Variants in TTN observed in about 807,000 individuals in gnomAD.
TTN encodes connectin.
Under a neutral mutation model 3,223.0 loss-of-function variants are expected in TTN, and 1,525 were observed. The ratio of observed to expected loss-of-function variants is 0.47; its 90% CI spans 0.45 to 0.49. TTN has a LOEUF of 0.49. TTN is among the 20% of genes least tolerant of loss of function. The pLI, the probability that TTN is intolerant of heterozygous loss-of-function variation, is 0.00. For synonymous variants in TTN, 14,094 were observed against 15,161.0 expected (o/e 0.93, Z 5.17); for missense variants, 40,786 against 43,424.0 (o/e 0.94, Z 5.40).
In TTN at chr2:178,594,402, A is replaced by C. The variant is rs182489815; in HGVS notation, c.58092T>G (p.Ile19364Met). 2 of 1,606,750 alleles carry C rather than the reference A, an allele frequency of 1.2e-6. No homozygotes were observed. Among genetic ancestry groups the C allele is most frequent in the African/African-American group, 2.7e-5 (2 of 74,738 alleles). The change falls in exon 296 of 363, where the codon ATT becomes ATG. Residue 19364 changes from isoleucine (I) to methionine (M), a missense_variant. Ile to Met is a conservative substitution (Grantham distance 10, BLOSUM62 1). Transcript: ENST00000589042. ...TYEYRVSAVNIVGQGKPSFCT... is the reference protein window; with the variant it reads ...TYEYRVSAVNMVGQGKPSFCT... ...AAAATGATGGTTTGCCTTGTCCAAC[A>C]ATGTTGACAGCACTGACACGGTACT...
chr2:178,674,934 T>C (rs1001106652), intron 150 of TTN, 105 bp downstream of exon 150: 15 of 570,734 alleles, frequency 2.6e-5, no homozygotes, highest in Non-Finnish European at 4.3e-5. Context: ...AGAATCTGAA[T>C]ATGTTGATTT....
chr2:178,684,666 C>T lies in TTN; in HGVS notation c.32638G>A (p.Val10880Met). 1.2e-6 allele frequency: 2 copies of T among 1,604,468 alleles called. No homozygotes were observed. Among genetic ancestry groups the T allele is most frequent in the Non-Finnish European group, 1.7e-6 (2 of 1,177,356 alleles). The change falls in exon 131 of 363, where the codon GTG (valine) becomes ATG (methionine). Residue 10880 changes from valine to methionine, a missense_variant and splice_region_variant. By Grantham distance (21) the Val-to-Met change is conservative. Coordinates refer to ENST00000589042, the MANE Select transcript of TTN (RefSeq NM_001267550.2). ...IKMEEPLPAK[V>M]TERHMQITQE... ...TTTTCTGCTGGGGAGGTTTGTTTAC[C>T]TTTGGCTGGGAGAGGTTCTTCCATC...
chr2:178,675,853 G>T, intron 148 of TTN, 68 bp downstream of exon 148: 1 of 1,549,438 alleles, frequency 6.5e-7, no homozygotes, highest in East Asian at 2.4e-5. Context: ...TACGGAAACA[G>T]GACATTTTGA....
rs371882734 is a variant in TTN, at chr2:178,689,115, G to A, written c.32033C>T (p.Pro10678Leu). ...PPKVPALPKK[P>L]VPEEKVAVPV... is the part of the protein sequence containing the mutation. ...CACTGCAACTTTCTCCTCTGGGACGGGTTTCTTAGGCAGAGCTGGCACTTT... is the reference window on the plus strand; with the variant it reads ...CACTGCAACTTTCTCCTCTGGGACGAGTTTCTTAGGCAGAGCTGGCACTTT... Residue 10678 changes from proline to leucine, a missense_variant, in exon 125 of 363, where the codon CCC (proline) becomes CTC (leucine). Transcript: ENST00000589042. 7.5e-6 allele frequency: 12 copies of A among 1,608,966 alleles called. No individual in the cohort carries two copies. Among genetic ancestry groups the A allele is most frequent in the African/African-American group, 2.7e-5 (2 of 74,266 alleles).
At position 178,568,436 on chromosome 2, in the gene TTN, T is replaced by A. The variant is rs750227997; in HGVS notation, c.77696A>T (p.Lys25899Ile). 2 of 1,613,284 alleles carry A rather than the reference T, an allele frequency of 1.2e-6. No homozygotes were observed. Among genetic ancestry groups the A allele is most frequent in the Non-Finnish European group, 1.7e-6 (2 of 1,179,562 alleles). ...DKPDPPKGPV[K>I]FDDVSAESIT... ...ACTTTCAGCACTGACGTCATCAAAT[T>A]TAACAGGTCCTTTTGGAGGATCAGG... Residue 25899 changes from lysine to isoleucine, a missense_variant, in exon 326 of 363, where the codon AAA (lysine) becomes ATA (isoleucine). By Grantham distance (102) the Lys-to-Ile change is moderately radical. Transcript: ENST00000589042.
In TTN at chr2:178,574,611, C is replaced by A; in HGVS notation, c.71521G>T (p.Asp23841Tyr). The A allele has an allele frequency of 2.5e-6, 4 of 1,613,240 alleles. No individual in the cohort carries two copies. The highest frequency in any genetic ancestry group is 3.4e-6 in the Non-Finnish European group (4 of 1,179,488). Residue 23841 changes from aspartate (D) to tyrosine (Y), a missense_variant, in exon 326 of 363, where the codon GAT becomes TAT. Coordinates refer to ENST00000589042, the MANE Select transcript of TTN (RefSeq NM_001267550.2). ...GTPQVTAVTK[D>Y]SMTISWHEPL... ...TCATGCCAGCTAATTGTCATTGAAT[C>A]CTTGGTAACTGCAGTTACCTGAGGG...
rs765678606 is a variant in TTN, at chr2:178,781,156, C to T, written c.3488G>A (p.Gly1163Glu). 3.1e-6 allele frequency: 5 copies of T among 1,613,910 alleles called. No homozygotes were observed. The African/African-American group carries it at 6.7e-5, about 22-fold the overall frequency. The change falls in exon 21 of 363, where the codon GGA (glycine) becomes GAA (glutamate). Residue 1163 changes from glycine to glutamate, a missense_variant. Coordinates refer to ENST00000589042, the MANE Select transcript of TTN (RefSeq NM_001267550.2). Reference sequence around the variant, plus strand: ...CAAGGAAGCAGATGCAGAAGTTTCTCCATGCTTATTGCGAACAACAATAGT... The same window carrying T: ...CAAGGAAGCAGATGCAGAAGTTTCTTCATGCTTATTGCGAACAACAATAGT... The part of the protein sequence containing the change: ...EYTIVVRNKH[G>E]ETSASASLLE...
intron 326 of TTN, 149 bp downstream of exon 326, chr2:178,559,162 C>G: frequency 1.5e-6 from 1 of 650,618 alleles, no homozygotes; most frequent in Admixed American, 3.4e-5. Context: ...ACTAGAGATT[C>G]CATTTTGTGC....
At chr2:178,738,473 G>A in intron 48 of TTN, 113 bp from the exon 49 acceptor site, 1 of 1,296,276 alleles carries the variant, frequency 7.7e-7, no homozygotes, top group South Asian at 1.7e-5. Flanking sequence ...AAATTGGTGA[G>A]ATGGATTACA....
chr2:178,529,070 A>T lies in TTN; in HGVS notation c.106681T>A (p.Leu35561Ile), dbSNP rs774524700. Residue 35561 changes from leucine (L) to isoleucine (I), a missense_variant, in exon 360 of 363, where the codon TTA (leucine) becomes ATA (isoleucine). Leu to Ile is a conservative substitution (Grantham distance 5, BLOSUM62 2). Transcript: ENST00000589042. ...KMSEAKSQEK[L>I]ALKEEASKVL... ...TTTGAAGCTTCCTCTTTGAGGGCTA[A>T]CTTTTCTTGAGATTTTGCCTCTGAC... The T allele has an allele frequency of 9.9e-6, 16 of 1,613,484 alleles. No individual in the cohort carries two copies. The highest frequency in any genetic ancestry group is 1.4e-5 in the Non-Finnish European group (16 of 1,179,688).
In TTN at chr2:178,739,227, T is replaced by C; in HGVS notation, c.14006A>G (p.Glu4669Gly). ...ACAGACATACTCTCCTTGATGGTCT[T>C]CGGTATTTACTTTGTCGATGACTAG... ...YTLVIDKVNT[E>G]DHQGEYVCEA... The change falls in exon 48 of 363, where the codon GAA (glutamate) becomes GGA (glycine). Residue 4669 changes from glutamate (E) to glycine (G), a missense_variant. By Grantham distance (98) the Glu-to-Gly change is moderately conservative. Transcript: ENST00000589042. The C allele has an allele frequency of 6.3e-7, 1 of 1,579,786 alleles. No individual in the cohort carries two copies. The highest frequency in any genetic ancestry group is 8.6e-7 in the Non-Finnish European group (1 of 1,159,884).
Position 178,575,457 on chromosome 2 carries a change from C to G in TTN, c.70675G>C (p.Asp23559His). The G allele has an allele frequency of 6.2e-7, 1 of 1,613,586 alleles. No homozygotes were observed. Among genetic ancestry groups the G allele is most frequent in the Non-Finnish European group, 8.5e-7 (1 of 1,179,620 alleles). Residue 23559 changes from aspartate (D) to histidine (H), a missense_variant, in exon 326 of 363, where the codon GAT (aspartate) becomes CAT (histidine). Asp to His is a moderately conservative substitution (Grantham distance 81). Coordinates refer to ENST00000589042, the MANE Select transcript of TTN (RefSeq NM_001267550.2). This position sits in a 1 kb window ranked among gnomAD's most constrained non-coding sequence, Gnocchi z 4.0. Reference sequence around the variant, plus strand: ...TAGCCAGTGATCTTGCTGCCACCATCGTGTTTGGGCTTAGGCCATGCCAGG... The same window carrying G: ...TAGCCAGTGATCTTGCTGCCACCATGGTGTTTGGGCTTAGGCCATGCCAGG... ...VSLAWPKPKH[D>H]GGSKITGYVI...
chr2:178,593,912 T>G (rs766408169), intron 297 of TTN, 45 bp from the exon 298 acceptor site: 1 of 1,607,912 alleles, frequency 6.2e-7, no homozygotes, highest in East Asian at 2.2e-5. Context: ...TTGCCATTTC[T>G]GCTTTTGAAA....
chr2:178,748,013 T>C (rs2084172813), intron 47 of TTN: 2 of 1,612,996 alleles, frequency 1.2e-6, no homozygotes, highest in Non-Finnish European at 1.7e-6. Flanking sequence ...ACCATCCTGC[T>C]TTGGAAATGC....
chr2:178,762,922 T>C (rs563189420), intron 43 of TTN, among the ~76,000 whole-genome samples: 1 of 152,306 alleles, frequency 6.6e-6, no homozygotes, highest in East Asian at 1.9e-4. Flanking sequence ...ATCAAATAGG[T>C]CTATTAGATT....
At position 178,592,549 on chromosome 2, in the gene TTN, G is replaced by C. The variant is rs758287054; in HGVS notation, c.59456C>G (p.Thr19819Ser). ...IIKGVPFPKV[T>S]WKKEDRDAPT... The stretch of plus-strand genomic sequence containing the variant: ...AGCATCTCTGTCTTCTTTTTTCCAA[G>C]TTACTTTTGGGAATGGCACTCCTTT... Residue 19819 changes from threonine to serine, a missense_variant, in exon 301 of 363, where the codon ACT becomes AGT. Transcript: ENST00000589042. 6.2e-7 allele frequency: 1 copy of C among 1,613,440 alleles called. No homozygotes were observed. The highest frequency in any genetic ancestry group is 8.5e-7 in the Non-Finnish European group (1 of 1,179,574).
intron 47 of TTN, chr2:178,745,071 GT>G: frequency 2.0e-6 from 2 of 986,820 alleles, no homozygotes; most frequent in Non-Finnish European, 1.2e-6. Context: ...GGTTTTTGTT[GT>G]TTGTTTTGCC....
rs750480202 is a variant in TTN at position 178,549,517 on chromosome 2, CTT to C, written c.92153-46_92153-45del. 53 of 1,592,280 alleles carry C rather than the reference CTT, an allele frequency of 3.3e-5. No homozygotes were observed. In the Admixed American group the frequency reaches 6.2e-4, roughly 19 times the overall value. On this transcript the variant is annotated intron_variant, in intron 338 of 362. Transcript: ENST00000589042. ...ACCCCAAATCAATTAGATGCATTTG[CTT>C]GGAAGGTTAAACTTTTGACATAGTA...
rs372543748 is a variant in TTN at position 178,583,668 on chromosome 2, G to A, written c.65514C>T (p.Thr21838=). ...CAGAAGGTGGGCTAATGTTTACCGC[G>A]GTCCTGGCAATAGCTCTAAATTGAT... ...AQYQFRAIAR[T]AVNISPPSEP... Residue 21838 remains threonine (T), a synonymous_variant, in exon 312 of 363, where the codon ACC becomes ACT. Coordinates refer to ENST00000589042, the MANE Select transcript of TTN (RefSeq NM_001267550.2). 2.9e-5 allele frequency: 47 copies of A among 1,611,962 alleles called. 1 individual carries two copies. The highest frequency in any genetic ancestry group is 2.4e-4 in the South Asian group (22 of 90,832).
Sources: gnomAD v4.1 joint callset for allele counts (sites outside exome capture counted in the v4.1 genomes callset) on GRCh38, gnomAD v4.1.1 for gene constraint, Gnocchi (gnomAD v3.1) non-coding constraint, MANE v1.5 for transcripts, NCBI Gene and HGNC (gene_info 2026-07-23, HGNC 2026-07-21) for gene names.